The following IQCH variants were observed in gnomAD, a reference collection of about 807,000 sequenced individuals.
IQCH encodes the protein IQ motif containing H, also known as IQ domain-containing protein H.
A neutral mutation model predicts 117.0 loss-of-function variants in IQCH; 98 were observed. The observed-to-expected ratio is 0.84, with a 90% CI of 0.71 to 0.99. The LOEUF is 0.99. Ranked by LOEUF, IQCH falls within the 50% of genes least tolerant of loss-of-function variation. The pLI is 0.00. For missense variants in IQCH, 1,102 were observed against 1,243.8 expected (o/e 0.89, Z 1.72); for synonymous variants, 412 against 448.2 (o/e 0.92, Z 1.02).
chr15:67,430,705 C>G lies in IQCH; in HGVS notation c.2505+9128C>G, dbSNP rs2082001042. ...CAGATCTTTTGTAGTTAATTACTCA[C>G]TTTGGGGAAACTCTAAAAAAAACAA... On this transcript the variant is annotated intron_variant, in intron 16 of 20. Coordinates refer to ENST00000335894, the MANE Select transcript of IQCH (RefSeq NM_001031715.3). The surrounding 1 kb of genome is among the most constrained non-coding windows in gnomAD (Gnocchi z 5.1). 6.6e-6 allele frequency among the ~76,000 whole-genome samples: 1 copy of G among 152,070 alleles called. No homozygotes were observed. Among genetic ancestry groups the G allele is most frequent in the Non-Finnish European group, 1.5e-5 (1 of 68,016 alleles).
At position 67,342,866 on chromosome 15, in the gene IQCH, G is replaced by A. The variant is rs540704839; in HGVS notation, c.509-1197G>A. ...TCAGCGCACATGAATATCTCCTGGA[G>A]CCTTCAATAATGCAGATTCCCAGGC... On this transcript the variant is annotated intron_variant, in intron 5 of 20. Transcript: ENST00000335894. This position sits in a 1 kb window ranked among gnomAD's most constrained non-coding sequence, Gnocchi z 4.7. Among the ~76,000 whole-genome samples the A allele has an allele frequency of 6.6e-6, 1 of 152,240 alleles. No individual in the cohort carries two copies. The highest frequency in any genetic ancestry group is 2.4e-5 in the African/African-American group (1 of 41,544).
At chr15:67,291,810 T>G (rs1966760903) in intron 4 of IQCH, among the ~76,000 whole-genome samples, 1 of 152,208 alleles carries the variant, frequency 6.6e-6, no homozygotes, top group Non-Finnish European at 1.5e-5. Flanking sequence ...CACTGTGAGT[T>G]CTGCCCTCTC....
At chr15:67,371,178 C>T (rs1372696308) in intron 8 of IQCH, among the ~76,000 whole-genome samples, 1 of 152,062 alleles carries the variant, frequency 6.6e-6, no homozygotes, top group Admixed American at 6.6e-5. Flanking sequence ...CTGTACCCTC[C>T]CTCTCCCCCA....
intron 5 of IQCH, among the ~76,000 whole-genome samples, chr15:67,337,679 C>T (rs751139424): frequency 1.2e-4 from 18 of 152,088 alleles, no homozygotes; most frequent in Non-Finnish European, 2.2e-4. Flanking sequence ...AATAAGCAAG[C>T]GAGTGACCAA....
chr15:67,448,669 G>A (rs2082447205), intron 16 of IQCH, among the ~76,000 whole-genome samples: 1 of 152,088 alleles, frequency 6.6e-6, no homozygotes, highest in Non-Finnish European at 1.5e-5. Flanking sequence ...ATTGTGAGTA[G>A]TGCCGCAATA....
intron 5 of IQCH, among the ~76,000 whole-genome samples, chr15:67,337,900 G>A (rs1968966340): frequency 6.6e-6 from 1 of 152,128 alleles, no homozygotes; most frequent in African/African-American, 2.4e-5. Context: ...CTGCCACCTG[G>A]AAATTCAAAG....
chr15:67,382,927 A>G (rs1567143685), intron 10 of IQCH, among the ~76,000 whole-genome samples: 1 of 152,208 alleles, frequency 6.6e-6, no homozygotes, highest in African/African-American at 2.4e-5. Flanking sequence ...TATATTTAGC[A>G]TGTACTACCA....
At chr15:67,477,967 G>A (rs2141054055) in intron 18 of IQCH, among the ~76,000 whole-genome samples, 1 of 152,318 alleles carries the variant, frequency 6.6e-6, no homozygotes, top group East Asian at 1.9e-4. Flanking sequence ...GAGTTGATCG[G>A]ATCTATTTCC....
At position 67,384,016 on chromosome 15, in the gene IQCH, A is replaced by G. The variant is rs988882510; in HGVS notation, c.1373-920A>G. On this transcript the variant is annotated intron_variant, in intron 10 of 20. Transcript: ENST00000335894. This position sits in a 1 kb window ranked among gnomAD's most constrained non-coding sequence, Gnocchi z 4.3. ...GTGTGTCACATCTTGAAGATGTAGT[A>G]TATAAAATCACTTTATCTAGAGCAG... is the stretch of plus-strand genomic sequence containing the variant. Among the ~76,000 whole-genome samples the G allele has an allele frequency of 2.6e-5, 4 of 152,188 alleles. No individual in the cohort carries two copies. Among genetic ancestry groups the G allele is most frequent in the Admixed American group, 6.6e-5 (1 of 15,264 alleles).
intron 16 of IQCH, among the ~76,000 whole-genome samples, chr15:67,438,716 C>T (rs989230575): frequency 6.6e-6 from 1 of 152,190 alleles, no homozygotes; most frequent in African/African-American, 2.4e-5. Context: ...TGAAAAAAGG[C>T]ATTTCATGCA....
chr15:67,291,013 C>T (rs1010254636), intron 4 of IQCH, among the ~76,000 whole-genome samples: 11 of 152,070 alleles, frequency 7.2e-5, no homozygotes, highest in South Asian at 2.1e-4. Flanking sequence ...CTATATCTCT[C>T]GCAGTGTTCA....
chr15:67,462,427 CAAA>C (rs57819872), intron 16 of IQCH, among the ~76,000 whole-genome samples: 1 of 117,440 alleles, frequency 8.5e-6, no homozygotes, highest in Non-Finnish European at 1.8e-5. Flanking sequence ...GACTCCATCT[CAAA>C]AAAAAAAAAA....
chr15:67,292,096 C>G (rs1256916297), intron 4 of IQCH, among the ~76,000 whole-genome samples: 1 of 152,068 alleles, frequency 6.6e-6, no homozygotes, highest in Non-Finnish European at 1.5e-5. Flanking sequence ...AGGGAGCTTC[C>G]TTGGCCCCTC....
chr15:67,278,332 A>C (rs1966213508), intron 3 of IQCH, among the ~76,000 whole-genome samples: 1 of 152,192 alleles, frequency 6.6e-6, no homozygotes, highest in Non-Finnish European at 1.5e-5. Context: ...CTTGGAGGCA[A>C]AACTCACAAA....
intron 3 of IQCH, among the ~76,000 whole-genome samples, chr15:67,269,989 G>A (rs1298831829): frequency 1.3e-5 from 2 of 152,040 alleles, no homozygotes; most frequent in Non-Finnish European, 2.9e-5. Flanking sequence ...CCTTTCTTTT[G>A]GATATATACC....
chr15:67,393,486 T>C lies in IQCH; in HGVS notation c.1633-1805T>C, dbSNP rs1174242432. On this transcript the variant is annotated intron_variant, in intron 12 of 20. Transcript: ENST00000335894. The surrounding 1 kb of genome is among the most constrained non-coding windows in gnomAD (Gnocchi z 5.5). ...CCCTTGAGACCCTGGCACTTTTACA[T>C]TATATTATTTGCATAACATTTTAAT... is the stretch of plus-strand genomic sequence containing the variant. Among the ~76,000 whole-genome samples, 1 of 152,184 alleles carries C rather than the reference T, an allele frequency of 6.6e-6. No homozygotes were observed. The highest frequency in any genetic ancestry group is 2.4e-5 in the African/African-American group (1 of 41,456).
At chr15:67,378,002 G>C (rs55691227) in intron 10 of IQCH, among the ~76,000 whole-genome samples, 71,578 of 151,872 alleles carry the variant, frequency 0.47, 17,300 homozygotes, top group Non-Finnish European at 0.52. Context: ...TCCAGCTCAT[G>C]TGTACTTTCA....
intron 3 of IQCH, among the ~76,000 whole-genome samples, chr15:67,269,731 G>A (rs186391200): frequency 2.6e-5 from 3 of 114,360 alleles, no homozygotes; most frequent in Admixed American, 9.9e-5. Flanking sequence ...ATGTGAGAAC[G>A]TGAGATATAT....
At chr15:67,330,703 T>C (rs1968628235) in intron 4 of IQCH, among the ~76,000 whole-genome samples, 1 of 152,176 alleles carries the variant, frequency 6.6e-6, no homozygotes, top group Non-Finnish European at 1.5e-5. Context: ...CATGAAGCAG[T>C]GACATGCATT....
Sources: allele counts gnomAD v4.1 joint callset (sites outside exome capture counted in the v4.1 genomes callset), GRCh38; gene constraint gnomAD v4.1.1; non-coding constraint Gnocchi (gnomAD v3.1); transcripts MANE v1.5; gene names NCBI Gene and HGNC (gene_info 2026-07-23, HGNC 2026-07-21).